Variants in KLHL3 observed in about 807,000 individuals in gnomAD.
The protein encoded by KLHL3 is kelch like family member 3.
A neutral mutation model predicts 70.5 loss-of-function variants in KLHL3; 19 were observed. The ratio of observed to expected loss-of-function variants is 0.27; its 90% CI spans 0.19 to 0.40. The LOEUF (loss-of-function observed/expected upper bound fraction) is 0.40, where lower values mean the gene tolerates loss of function less well. Ranked by LOEUF, KLHL3 falls within the 10% of genes least tolerant of loss-of-function variation. The pLI, the probability that KLHL3 is intolerant of heterozygous loss-of-function variation, is 1.00. For synonymous variants in KLHL3, 258 were observed against 290.3 expected, an observed-to-expected ratio of 0.89 and a Z score of 1.13; for missense variants, 512 against 771.1, an observed-to-expected ratio of 0.66 and a Z score of 3.98.
At chr5:137,677,717 A>C in intron 5 of KLHL3, 63 bp from the exon 6 acceptor site, 1 of 1,030,498 alleles carries the variant, frequency 9.7e-7, no homozygotes, top group Non-Finnish European at 1.4e-6. Flanking sequence ...CTGCCCTTCC[A>C]TGACAATCTG....
chr5:137,698,484 C>T (rs1306354426), intron 3 of KLHL3, 76 bp from the exon 4 acceptor site: 4 of 1,558,796 alleles, frequency 2.6e-6, no homozygotes, highest in Non-Finnish European at 3.5e-6. Context: ...GGTCTCCTGC[C>T]CTGTCTTGGA....
At chr5:137,652,740 T>C (rs1443063709) in intron 8 of KLHL3, among the ~76,000 whole-genome samples, 1 of 152,222 alleles carries the variant, frequency 6.6e-6, no homozygotes, top group Non-Finnish European at 1.5e-5. Flanking sequence ...AAGAGATTTA[T>C]AGTACAACGT....
intron 6 of KLHL3, among the ~76,000 whole-genome samples, chr5:137,669,685 C>T (rs1580747426): frequency 6.6e-6 from 1 of 152,286 alleles, no homozygotes. Context: ...GGATGACATA[C>T]GGATGGAGAA....
intron 14 of KLHL3, among the ~76,000 whole-genome samples, chr5:137,624,580 A>G (rs935077276): frequency 6.6e-6 from 1 of 152,288 alleles, no homozygotes; most frequent in African/African-American, 2.4e-5. Flanking sequence ...AAATTTGCAC[A>G]GCACAATCTT....
At chr5:137,720,249 A>G (rs868395309) in intron 2 of KLHL3, among the ~76,000 whole-genome samples, 136 of 152,164 alleles carry the variant, frequency 8.9e-4, no homozygotes, top group African/African-American at 3.0e-3. Context: ...GCAGTGAGCC[A>G]AGATCATGCC....
At chr5:137,734,055 G>A (rs1351538407) in intron 1 of KLHL3, among the ~76,000 whole-genome samples, 1 of 152,174 alleles carries the variant, frequency 6.6e-6, no homozygotes, top group African/African-American at 2.4e-5. Flanking sequence ...CCAGGACAGG[G>A]GCAAGGACTC....
chr5:137,679,736 C>G (rs1469562681), intron 5 of KLHL3, among the ~76,000 whole-genome samples: 2 of 152,190 alleles, frequency 1.3e-5, no homozygotes, highest in Non-Finnish European at 2.9e-5. Context: ...ATCTAAACCC[C>G]TTCTTTCTGA....
intron 4 of KLHL3, among the ~76,000 whole-genome samples, chr5:137,695,488 C>T (rs1752425657): frequency 6.6e-6 from 1 of 152,052 alleles, no homozygotes; most frequent in African/African-American, 2.4e-5. Context: ...AAAAAAAAGT[C>T]AAGGAAATCA....
chr5:137,706,632 T>C (rs1185013266), intron 3 of KLHL3, among the ~76,000 whole-genome samples: 3 of 152,212 alleles, frequency 2.0e-5, no homozygotes, highest in African/African-American at 7.2e-5. Flanking sequence ...TTATTTATAA[T>C]AACAAAATAT....
At chr5:137,642,767 A>G (rs55652070) in intron 8 of KLHL3, among the ~76,000 whole-genome samples, 27,226 of 152,096 alleles carry the variant, frequency 0.18, 2,656 homozygotes, top group Non-Finnish European at 0.22. Flanking sequence ...AAGCAAGCAA[A>G]ATAAAAAGAG....
rs1431187673 is a variant in KLHL3, at chr5:137,619,125, T to C, written c.*2973A>G. ...AGCCTAAAAGCTATAGCTTCAATTT[T>C]ATAAAAAGGCAATCTTTGAAAGGAT... On this transcript the variant is annotated 3_prime_UTR_variant, in exon 15 of 15. Coordinates refer to ENST00000309755, the MANE Select transcript of KLHL3 (RefSeq NM_017415.3). The C allele has an allele frequency of 6.6e-6, 1 of 152,638 alleles. No individual in the cohort carries two copies. The highest frequency in any genetic ancestry group is 1.5e-5 in the Non-Finnish European group (1 of 68,038). 9.5% of individuals were successfully genotyped at this position (152,638 alleles called of 1,614,324 possible).
chr5:137,643,249 G>C (rs1278226447), intron 8 of KLHL3, among the ~76,000 whole-genome samples: 3 of 151,890 alleles, frequency 2.0e-5, no homozygotes, highest in Non-Finnish European at 4.4e-5. Flanking sequence ...CTACTTGGAA[G>C]GCTGAGGTGG....
rs896627888 is a variant in KLHL3 at position 137,621,951 on chromosome 5, A to C, written c.*147T>G. 13 of 839,790 alleles carry C rather than the reference A, an allele frequency of 1.5e-5. No individual in the cohort carries two copies. Among genetic ancestry groups the C allele is most frequent in the Non-Finnish European group, 2.4e-5 (12 of 491,256 alleles). 52.0% of individuals were successfully genotyped at this position (839,790 alleles called of 1,614,324 possible). On this transcript the variant is annotated 3_prime_UTR_variant, in exon 15 of 15. Transcript: ENST00000309755. ...AATGGTGTCCACACTGCGATGAACA[A>C]CACCAGTCTGCCAAGTCAGAGGAGA... is the stretch of plus-strand genomic sequence containing the variant.
chr5:137,683,970 C>G (rs1162822006), intron 5 of KLHL3, among the ~76,000 whole-genome samples: 2 of 152,088 alleles, frequency 1.3e-5, no homozygotes, highest in Non-Finnish European at 2.9e-5. Flanking sequence ...CCTCATTTGC[C>G]AACTTCAAAT....
intron 13 of KLHL3, among the ~76,000 whole-genome samples, chr5:137,626,451 G>A (rs562065434): frequency 2.4e-4 from 36 of 152,314 alleles, no homozygotes; most frequent in South Asian, 6.2e-4. Flanking sequence ...GATCTCAAAG[G>A]GAGATGGATT....
chr5:137,645,642 G>A (rs191598324), intron 8 of KLHL3, among the ~76,000 whole-genome samples: 32 of 152,074 alleles, frequency 2.1e-4, no homozygotes, highest in African/African-American at 6.3e-4. Context: ...AAACATTGAC[G>A]AAAGAAATTG....
intron 5 of KLHL3, among the ~76,000 whole-genome samples, chr5:137,685,093 G>C (rs1406618041): frequency 6.6e-6 from 1 of 152,176 alleles, no homozygotes; most frequent in African/African-American, 2.4e-5. Context: ...AGGCAAGACT[G>C]GCTTTAAAAT....
intron 1 of KLHL3, chr5:137,725,051 C>T (rs2149937397): frequency 1.0e-6 from 1 of 985,212 alleles, no homozygotes; most frequent in African/African-American, 1.7e-5. Context: ...AAACCTTTTT[C>T]CCTCCATTCA....
chr5:137,671,580 C>T (rs1030133455), intron 6 of KLHL3, among the ~76,000 whole-genome samples: 2 of 152,178 alleles, frequency 1.3e-5, no homozygotes, highest in Admixed American at 1.3e-4. Context: ...GGTTAATGAG[C>T]TGTGTCACCT....
Sources: gnomAD v4.1 joint callset for allele counts (sites outside exome capture counted in the v4.1 genomes callset) on GRCh38, gnomAD v4.1.1 for gene constraint, MANE v1.5 for transcripts, NCBI Gene and HGNC (gene_info 2026-07-23, HGNC 2026-07-21) for gene names.